ZNF804B: variants seen among roughly 807,000 people sequenced by gnomAD.
The protein encoded by ZNF804B is zinc finger 804B.
A neutral mutation model predicts 101.4 loss-of-function variants in ZNF804B; 80 were observed. That is an observed-to-expected ratio of 0.79 (90% confidence interval 0.66 to 0.95). The LOEUF is 0.95. ZNF804B is among the 40% of genes least tolerant of loss of function. The pLI is 0.00. For synonymous variants in ZNF804B, 622 were observed against 558.8 expected, an observed-to-expected ratio of 1.11 and a Z score of -1.59; for missense variants, 1,673 against 1,561.9, an observed-to-expected ratio of 1.07 and a Z score of -1.20.
At chr7:89,101,695 AATTT>A (rs1419342659) in intron 1 of ZNF804B, among the ~76,000 whole-genome samples, 2 of 151,982 alleles carry the variant, frequency 1.3e-5, no homozygotes, top group African/African-American at 4.8e-5. Context: ...TGATATTACA[AATTT>A]ATTTATGTAT....
intron 1 of ZNF804B, among the ~76,000 whole-genome samples, chr7:89,092,054 A>G (rs771514600): frequency 6.6e-6 from 1 of 152,192 alleles, no homozygotes; most frequent in Non-Finnish European, 1.5e-5. Flanking sequence ...ATAAACAACA[A>G]ACATTTATTT....
chr7:89,065,425 T>C (rs1263931322), intron 1 of ZNF804B, among the ~76,000 whole-genome samples: 1 of 152,148 alleles, frequency 6.6e-6, no homozygotes, highest in African/African-American at 2.4e-5. Flanking sequence ...ATGCATCGTA[T>C]GTATTTTTTT....
rs570531861 is a variant in ZNF804B, at chr7:89,260,290, T to C, written c.249+41995T>C. Among the ~76,000 whole-genome samples the C allele has an allele frequency of 1.4e-4, 22 of 152,332 alleles. No individual in the cohort carries two copies. In the South Asian group the frequency reaches 4.6e-3, roughly 32 times the overall value. On this transcript the variant is annotated intron_variant, in intron 2 of 3. Coordinates refer to ENST00000333190, the MANE Select transcript of ZNF804B (RefSeq NM_181646.5). ...AACAGTAAAGTTAGCCTATCCCTTCTTGTCTTAAATACTAATGCTCACTTC... is the reference window on the plus strand; with the variant it reads ...AACAGTAAAGTTAGCCTATCCCTTCCTGTCTTAAATACTAATGCTCACTTC...
chr7:88,858,677 G>C (rs1791606899), intron 1 of ZNF804B, among the ~76,000 whole-genome samples: 1 of 152,028 alleles, frequency 6.6e-6, no homozygotes, highest in African/African-American at 2.4e-5. Context: ...TAACAGAAAG[G>C]CCATAATGAA....
At chr7:89,034,805 A>G (rs1397096754) in intron 1 of ZNF804B, among the ~76,000 whole-genome samples, 1 of 152,168 alleles carries the variant, frequency 6.6e-6, no homozygotes, top group African/African-American at 2.4e-5. Flanking sequence ...TTCTGGTTGT[A>G]GATCCTTGAG....
chr7:89,194,014 G>A (rs2115623536), intron 1 of ZNF804B, among the ~76,000 whole-genome samples: 1 of 152,274 alleles, frequency 6.6e-6, no homozygotes, highest in East Asian at 1.9e-4. Flanking sequence ...TCTAACTAGT[G>A]TGAGATGGTA....
intron 1 of ZNF804B, among the ~76,000 whole-genome samples, chr7:88,952,716 A>C (rs1793243765): frequency 6.6e-6 from 1 of 151,860 alleles, no homozygotes; most frequent in African/African-American, 2.4e-5. Context: ...AAGACACCGT[A>C]ATCTATAATT....
chr7:88,985,251 C>CA (rs58927850), intron 1 of ZNF804B, among the ~76,000 whole-genome samples: 21,907 of 125,936 alleles, frequency 0.17, 1,897 homozygotes, highest in African/African-American at 0.28. Flanking sequence ...TTTGTTTAAC[C>CA]AAAAAAAAAA....
At chr7:89,172,445 A>G (rs1442239461) in intron 1 of ZNF804B, among the ~76,000 whole-genome samples, 5 of 152,132 alleles carry the variant, frequency 3.3e-5, no homozygotes, top group Non-Finnish European at 7.4e-5. Context: ...GGTCAAGTTA[A>G]TCTATACACA....
chr7:89,205,354 T>C (rs978852947), intron 1 of ZNF804B, among the ~76,000 whole-genome samples: 1 of 152,134 alleles, frequency 6.6e-6, no homozygotes, highest in Non-Finnish European at 1.5e-5. Flanking sequence ...CTTAACTCAT[T>C]CCAGCATTAA....
At chr7:89,230,667 A>T (rs1789178825) in intron 2 of ZNF804B, among the ~76,000 whole-genome samples, 1 of 152,064 alleles carries the variant, frequency 6.6e-6, no homozygotes, top group South Asian at 2.1e-4. Context: ...AGTAAAGGTA[A>T]TTCCATGGAG....
At chr7:88,812,919 T>C (rs1284480999) in intron 1 of ZNF804B, among the ~76,000 whole-genome samples, 1 of 151,266 alleles carries the variant, frequency 6.6e-6, no homozygotes, top group African/African-American at 2.4e-5. Flanking sequence ...AAATGGGGAG[T>C]TGTTTAATGG....
At chr7:89,049,898 G>A (rs776822984) in intron 1 of ZNF804B, among the ~76,000 whole-genome samples, 1 of 152,130 alleles carries the variant, frequency 6.6e-6, no homozygotes, top group Non-Finnish European at 1.5e-5. Context: ...TGTAGTCCCA[G>A]CTACTCGGGA....
intron 1 of ZNF804B, chr7:88,795,609 C>A (rs1790468223): frequency 6.6e-6 from 1 of 152,024 alleles, no homozygotes; most frequent in South Asian, 2.1e-4. Flanking sequence ...GCTTACAAAT[C>A]TCCTCAATTT....
intron 1 of ZNF804B, among the ~76,000 whole-genome samples, chr7:88,803,964 A>G (rs1790646758): frequency 6.6e-6 from 1 of 152,118 alleles, no homozygotes; most frequent in Non-Finnish European, 1.5e-5. Flanking sequence ...AAATAGGCAG[A>G]GAATTAAGAA....
chr7:88,853,822 CCTT>C (rs1418973819), intron 1 of ZNF804B, among the ~76,000 whole-genome samples: 14 of 151,968 alleles, frequency 9.2e-5, no homozygotes, highest in African/African-American at 2.9e-4. Flanking sequence ...GATGGTATGA[CCTT>C]CTTGAAAATA....
At chr7:89,307,850 TAACTC>T (rs1390115712) in intron 2 of ZNF804B, among the ~76,000 whole-genome samples, 1 of 152,044 alleles carries the variant, frequency 6.6e-6, no homozygotes, top group African/African-American at 2.4e-5. Flanking sequence ...GGAACACAGA[TAACTC>T]AAGAGTTGAT....
intron 1 of ZNF804B, among the ~76,000 whole-genome samples, chr7:89,216,041 C>G (rs1234508650): frequency 6.6e-6 from 1 of 152,164 alleles, no homozygotes; most frequent in Admixed American, 6.5e-5. Flanking sequence ...TAGTGGCTCA[C>G]GCCTATAATG....
At chr7:89,315,304 T>A (rs1280172378) in intron 2 of ZNF804B, among the ~76,000 whole-genome samples, 7 of 152,130 alleles carry the variant, frequency 4.6e-5, no homozygotes, top group Non-Finnish European at 1.0e-4. Flanking sequence ...AGGCCGCAGC[T>A]CCACCACTGG....
Sources: gnomAD v4.1 joint callset for allele counts (sites outside exome capture counted in the v4.1 genomes callset) on GRCh38, gnomAD v4.1.1 for gene constraint, MANE v1.5 for transcripts, NCBI Gene and HGNC (gene_info 2026-07-23, HGNC 2026-07-21) for gene names.